SPHKAP: variants seen among roughly 807,000 people sequenced by gnomAD.
The protein encoded by SPHKAP is A-kinase anchor protein SPHKAP.
SPHKAP carries 67 observed loss-of-function variants against 137.5 expected under a neutral mutation model. The ratio of observed to expected loss-of-function variants is 0.49; its 90% CI spans 0.40 to 0.60. The LOEUF is 0.60. Among genes scored for constraint, SPHKAP ranks in the 20% least tolerant of loss-of-function variants. SPHKAP has a pLI of 0.00. For missense variants in SPHKAP, 2,097 were observed against 2,069.3 expected, an observed-to-expected ratio of 1.01 and a Z score of -0.26; for synonymous variants, 813 against 785.3, an observed-to-expected ratio of 1.04 and a Z score of -0.59.
intron 3 of SPHKAP, among the ~76,000 whole-genome samples, chr2:228,093,235 A>G (rs866033907): frequency 6.6e-6 from 1 of 152,220 alleles, no homozygotes; most frequent in African/African-American, 2.4e-5. Flanking sequence ...TCAGGCAGTT[A>G]CATATAGAGT....
At chr2:228,176,189 G>A (rs1304642775) in intron 1 of SPHKAP, among the ~76,000 whole-genome samples, 4 of 152,156 alleles carry the variant, frequency 2.6e-5, no homozygotes, top group African/African-American at 9.7e-5. Flanking sequence ...CTTTACAAAA[G>A]AGTTTCTGTA....
chr2:228,161,873 T>A (rs1700286130), intron 1 of SPHKAP, among the ~76,000 whole-genome samples: 1 of 152,210 alleles, frequency 6.6e-6, no homozygotes, highest in Admixed American at 6.5e-5. Flanking sequence ...GGTAATCAGT[T>A]GAAATGCCTT....
intron 3 of SPHKAP, 103 bp from the exon 4 acceptor site, chr2:228,027,646 T>C: frequency 8.7e-7 from 1 of 1,146,496 alleles, no homozygotes; most frequent in Non-Finnish European, 1.3e-6. Context: ...TTGGGAGTCT[T>C]CCACATCTTA....
At chr2:228,121,453 C>T (rs924648056) in intron 2 of SPHKAP, among the ~76,000 whole-genome samples, 2 of 152,122 alleles carry the variant, frequency 1.3e-5, no homozygotes, top group African/African-American at 4.8e-5. Flanking sequence ...GAGTTCGAGG[C>T]CACAGTGAGC....
chr2:227,987,738 G>A (rs1476633004), intron 11 of SPHKAP, among the ~76,000 whole-genome samples: 1 of 152,144 alleles, frequency 6.6e-6, no homozygotes, highest in Admixed American at 6.5e-5. Flanking sequence ...GCAGTGGTGG[G>A]AAAGATGAGC....
At chr2:228,045,821 A>T (rs1696027068) in intron 3 of SPHKAP, among the ~76,000 whole-genome samples, 1 of 152,158 alleles carries the variant, frequency 6.6e-6, no homozygotes, top group Admixed American at 6.5e-5. Flanking sequence ...GCACGAAAAG[A>T]TAAGTACTGT....
chr2:228,145,618 T>C (rs1481228634), intron 1 of SPHKAP, among the ~76,000 whole-genome samples: 2 of 152,124 alleles, frequency 1.3e-5, no homozygotes, highest in Non-Finnish European at 2.9e-5. Flanking sequence ...TAGGTAACAA[T>C]TCCCATCATG....
intron 1 of SPHKAP, among the ~76,000 whole-genome samples, chr2:228,147,052 A>G (rs550736503): frequency 6.6e-6 from 1 of 152,332 alleles, no homozygotes; most frequent in East Asian, 1.9e-4. Context: ...TAAAATTGCC[A>G]TATTTTATTT....
At chr2:228,004,320 T>C (rs1694038962) in intron 7 of SPHKAP, among the ~76,000 whole-genome samples, 1 of 152,226 alleles carries the variant, frequency 6.6e-6, no homozygotes, top group South Asian at 2.1e-4. Context: ...ATTTATCCGT[T>C]TCTTCTAGAT....
intron 7 of SPHKAP, among the ~76,000 whole-genome samples, chr2:228,010,549 A>C (rs1694330707): frequency 6.6e-6 from 1 of 152,050 alleles, no homozygotes; most frequent in African/African-American, 2.4e-5. Context: ...AAAGAAAACA[A>C]TTGTTCACGG....
chr2:228,029,723 A>G (rs2106234848), intron 3 of SPHKAP, among the ~76,000 whole-genome samples: 1 of 152,342 alleles, frequency 6.6e-6, no homozygotes, highest in Non-Finnish European at 1.5e-5. Context: ...TAATATTCAT[A>G]TAATAATTGA....
chr2:228,033,502 T>C (rs977979926), intron 3 of SPHKAP, among the ~76,000 whole-genome samples: 4 of 152,100 alleles, frequency 2.6e-5, no homozygotes, highest in African/African-American at 7.2e-5. Context: ...TACCCAGGAA[T>C]TGAACTCATC....
intron 4 of SPHKAP, among the ~76,000 whole-genome samples, chr2:228,026,990 C>A (rs1695065708): frequency 6.6e-6 from 1 of 152,142 alleles, no homozygotes; most frequent in South Asian, 2.1e-4. Flanking sequence ...GGCTCTTGTT[C>A]CAGAGGACTG....
chr2:228,112,481 C>T (rs1252097461), intron 2 of SPHKAP, among the ~76,000 whole-genome samples: 2 of 152,122 alleles, frequency 1.3e-5, no homozygotes, highest in East Asian at 1.9e-4. Context: ...TGTCACTTAT[C>T]GGTATCAGCC....
At position 228,017,964 on chromosome 2, in the gene SPHKAP, T is replaced by C. The variant is rs200606198; in HGVS notation, c.2890A>G (p.Arg964Gly). Residue 964 changes from arginine (R) to glycine (G), a missense_variant, in exon 7 of 12, where the codon AGA becomes GGA. Arg to Gly is a moderately radical substitution (Grantham distance 125). Transcript: ENST00000392056. ...GKQPWFCAWK[R>G]GSEFLMTPNV... ...GGTGTCATCAGAAACTCACTCCCTC[T>C]TTTCCATGCACAAAACCAGGGTTGT... is the stretch of plus-strand genomic sequence containing the variant. The C allele has an allele frequency of 1.5e-5, 24 of 1,614,130 alleles. No individual in the cohort carries two copies. In the African/African-American group the frequency reaches 2.9e-4, roughly 20 times the overall value.
intron 2 of SPHKAP, among the ~76,000 whole-genome samples, chr2:228,121,788 A>G (rs1447234093): frequency 2.0e-5 from 3 of 152,196 alleles, no homozygotes; most frequent in Non-Finnish European, 4.4e-5. Context: ...ATCATGAGCC[A>G]GAAGGTCCCT....
Position 228,017,716 on chromosome 2 carries a change from G to A in SPHKAP, c.3138C>T (p.Ile1046=), listed in dbSNP as rs768599264. 8 of 1,613,988 alleles carry A rather than the reference G, an allele frequency of 5.0e-6. No individual in the cohort carries two copies. The East Asian group carries it at 1.8e-4, about 36-fold the overall frequency. ...NLFANEVAAK[I]MNLTEFSMVD... is the part of the protein sequence containing the mutation. ...CCATAGAGAACTCCGTTAGGTTCAT[G>A]ATCTTGGCTGCCACTTCATTGGCAA... is the stretch of plus-strand genomic sequence containing the variant. Residue 1046 remains isoleucine (I), a synonymous_variant, in exon 7 of 12, where the codon ATC becomes ATT. Transcript: ENST00000392056.
intron 2 of SPHKAP, among the ~76,000 whole-genome samples, chr2:228,129,882 C>T (rs1699196899): frequency 6.6e-6 from 1 of 151,410 alleles, no homozygotes; most frequent in East Asian, 2.0e-4. Context: ...CTGCAACCTC[C>T]ACCTCCCAGG....
intron 3 of SPHKAP, among the ~76,000 whole-genome samples, chr2:228,077,613 T>C (rs1317767243): frequency 6.6e-6 from 1 of 152,240 alleles, no homozygotes; most frequent in African/African-American, 2.4e-5. Context: ...CCAGTGGCTG[T>C]ACCCTCATTG....
Sources: gnomAD v4.1 joint callset for allele counts (sites outside exome capture counted in the v4.1 genomes callset) on GRCh38, gnomAD v4.1.1 for gene constraint, MANE v1.5 for transcripts, NCBI Gene and HGNC (gene_info 2026-07-23, HGNC 2026-07-21) for gene names.